The following PAK1 variants were observed in gnomAD, a reference collection of about 807,000 sequenced individuals.
PAK1 encodes the protein serine/threonine-protein kinase PAK 1.
PAK1 carries 29 observed loss-of-function variants against 67.4 expected under a neutral mutation model. The observed-to-expected ratio is 0.43, with a 90% CI of 0.32 to 0.59. The LOEUF is 0.59. Ranked by LOEUF, PAK1 falls within the 20% of genes least tolerant of loss-of-function variation. PAK1 has a pLI of 0.07. For synonymous variants in PAK1, 223 were observed against 237.4 expected, an observed-to-expected ratio of 0.94 and a Z score of 0.56; for missense variants, 337 against 670.7, an observed-to-expected ratio of 0.50 and a Z score of 5.50.
At chr11:77,522,400 C>T in the PAK1 span, among the ~76,000 whole-genome samples, 1 of 152,174 alleles carries the variant, frequency 6.6e-6, no homozygotes. Flanking sequence ...GAGCTTGACT[C>T]CTTAAAGGGA....
intron 1 of PAK1, among the ~76,000 whole-genome samples, chr11:77,456,362 C>T (rs577533448): frequency 6.6e-6 from 1 of 152,164 alleles, no homozygotes; most frequent in Non-Finnish European, 1.5e-5. Flanking sequence ...AAAAAAGATT[C>T]AAGTATCTAA....
intron 1 of PAK1, among the ~76,000 whole-genome samples, chr11:77,393,771 G>A (rs549805600): frequency 7.3e-4 from 111 of 152,334 alleles, no homozygotes; most frequent in Admixed American, 2.1e-3. Flanking sequence ...GGGAGGCAAA[G>A]GCAGGCGGAT....
Position 77,463,353 on chromosome 11 carries a change from G to A in PAK1, c.-22+10199C>T, listed in dbSNP as rs558440298. Among the ~76,000 whole-genome samples the A allele has an allele frequency of 5.9e-5, 9 of 152,050 alleles. 1 individual carries two copies. In the South Asian group the frequency reaches 1.9e-3, roughly 32 times the overall value. Reference sequence around the variant, plus strand: ...GGGTGTTCACTGCACATACTCCCCTGCCAATGTTTTATTTAAAAAAAATTT... The same window carrying A: ...GGGTGTTCACTGCACATACTCCCCTACCAATGTTTTATTTAAAAAAAATTT... On this transcript the variant is annotated intron_variant, in intron 1 of 14. Transcript: ENST00000356341.
the PAK1 span, among the ~76,000 whole-genome samples, chr11:77,524,079 G>A: frequency 6.6e-6 from 1 of 152,130 alleles, no homozygotes; most frequent in Non-Finnish European, 1.5e-5. Context: ...CCACAGAAAG[G>A]CCCCAATGAG....
At chr11:77,498,499 T>C in the PAK1 span, among the ~76,000 whole-genome samples, 402 of 124,114 alleles carry the variant, frequency 3.2e-3, 2 homozygotes, top group Non-Finnish European at 3.8e-3. Context: ...CACACACACA[T>C]GGTGCCACGG....
At chr11:77,326,539 G>A (rs1349204928) in intron 14 of PAK1, among the ~76,000 whole-genome samples, 1 of 152,124 alleles carries the variant, frequency 6.6e-6, no homozygotes, top group Non-Finnish European at 1.5e-5. Context: ...AGAAAAATTA[G>A]GCAGGTATGG....
intron 1 of PAK1, chr11:77,412,037 C>T (rs1592372637): frequency 6.6e-6 from 1 of 152,296 alleles, no homozygotes; most frequent in Non-Finnish European, 1.5e-5. Context: ...CGGGAGGAAG[C>T]CGCGCGCTTC....
chr11:77,479,262 G>A (rs887981502), upstream of PAK1, among the ~76,000 whole-genome samples: 9 of 152,064 alleles, frequency 5.9e-5, no homozygotes, highest in African/African-American at 1.4e-4. Flanking sequence ...CTTGGAAACC[G>A]CTGATGAGAA....
intron 1 of PAK1, among the ~76,000 whole-genome samples, chr11:77,454,546 C>T (rs1957000952): frequency 6.6e-6 from 1 of 152,072 alleles, no homozygotes; most frequent in Non-Finnish European, 1.5e-5. Context: ...GTATTCATCC[C>T]TCATCAAACA....
At chr11:77,365,168 C>A (rs545312106) in intron 5 of PAK1, among the ~76,000 whole-genome samples, 19 of 148,410 alleles carry the variant, frequency 1.3e-4, no homozygotes, top group Admixed American at 1.0e-3. Flanking sequence ...AGGAGAATCG[C>A]TTGAACTCAG....
intron 13 of PAK1, among the ~76,000 whole-genome samples, 187 bp from the exon 14 acceptor site, chr11:77,333,054 A>G (rs542609271): frequency 6.6e-6 from 1 of 152,340 alleles, no homozygotes; most frequent in South Asian, 2.1e-4. Flanking sequence ...GGGACTATGT[A>G]CAACTTCCCT....
the PAK1 span, among the ~76,000 whole-genome samples, chr11:77,529,484 T>C: frequency 6.6e-6 from 1 of 152,368 alleles, no homozygotes; most frequent in Non-Finnish European, 1.5e-5. Flanking sequence ...GAAAAAGATG[T>C]TATTTTAGTC....
chr11:77,466,159 C>G (rs955355016), intron 1 of PAK1, among the ~76,000 whole-genome samples: 1 of 152,080 alleles, frequency 6.6e-6, no homozygotes, highest in African/African-American at 2.4e-5. Context: ...AGGGTGAGGG[C>G]AGGGAGTAGG....
intron 4 of PAK1, among the ~76,000 whole-genome samples, chr11:77,375,757 C>T (rs575989325): frequency 1.5e-4 from 23 of 152,192 alleles, no homozygotes; most frequent in African/African-American, 5.5e-4. Context: ...TTCTTTAATT[C>T]CCCTGGGTCC....
At chr11:77,409,133 A>T (rs1215345946) in intron 1 of PAK1, among the ~76,000 whole-genome samples, 1 of 152,076 alleles carries the variant, frequency 6.6e-6, no homozygotes, top group Non-Finnish European at 1.5e-5. Flanking sequence ...TTAGCCAGGC[A>T]TGCTGACATG....
intron 1 of PAK1, among the ~76,000 whole-genome samples, chr11:77,399,540 G>A (rs1952322711): frequency 6.6e-6 from 1 of 152,246 alleles, no homozygotes; most frequent in South Asian, 2.1e-4. Context: ...ATTAATATCT[G>A]TAATTTATTT....
At position 77,353,589 on chromosome 11, in the gene PAK1, C is replaced by T. The variant is rs553980475; in HGVS notation, c.783G>A (p.Val261=). The T allele has an allele frequency of 1.9e-6, 3 of 1,609,198 alleles. No individual in the cohort carries two copies. The highest frequency in any genetic ancestry group is 1.7e-5 in the Admixed American group (1 of 59,968). The change falls in exon 8 of 15, where the codon GTG becomes GTA. Residue 261 remains valine (V), a synonymous_variant. Transcript: ENST00000356341. ...EEILEKLRSI[V]SVGDPKKKYT... is the part of the protein sequence containing the mutation. ...ATTTCTTCTTAGGATCGCCCACACT[C>T]ACTATGCTTCCTTTGAAAGAAACAG... is the stretch of plus-strand genomic sequence containing the variant.
chr11:77,332,955 G>T, intron 13 of PAK1, 88 bp from the exon 14 acceptor site: 1 of 1,229,462 alleles, frequency 8.1e-7, no homozygotes, highest in Non-Finnish European at 1.2e-6. Flanking sequence ...ATGGTCAGCT[G>T]CTTTATGCTC....
chr11:77,494,088 C>T, the PAK1 span, among the ~76,000 whole-genome samples: 1 of 152,272 alleles, frequency 6.6e-6, no homozygotes, highest in East Asian at 1.9e-4. Context: ...TTTTTAAAAA[C>T]ATGCATACCC....
Sources: gnomAD v4.1 joint callset for allele counts (sites outside exome capture counted in the v4.1 genomes callset) on GRCh38, gnomAD v4.1.1 for gene constraint, MANE v1.5 for transcripts, NCBI Gene and HGNC (gene_info 2026-07-23, HGNC 2026-07-21) for gene names.